The following ARHGAP15 variants were observed in gnomAD, a reference collection of about 807,000 sequenced individuals.
The protein encoded by ARHGAP15 is Rho GTPase activating protein 15, also known as rho GTPase-activating protein 15.
Under a neutral mutation model 63.7 loss-of-function variants are expected in ARHGAP15, and 51 were observed. That is an observed-to-expected ratio of 0.80 (90% CI 0.64 to 1.01). The LOEUF (loss-of-function observed/expected upper bound fraction) is 1.01, where lower values mean the gene tolerates loss of function less well. Among genes scored for constraint, ARHGAP15 ranks in the 50% least tolerant of loss-of-function variants. The pLI, the probability that ARHGAP15 is intolerant of heterozygous loss-of-function variation, is 0.00. For missense variants in ARHGAP15, 560 were observed against 564.6 expected, an observed-to-expected ratio of 0.99 and a Z score of 0.08; for synonymous variants, 191 against 193.8, an observed-to-expected ratio of 0.99 and a Z score of 0.12.
chr2:143,216,034 TA>T (rs1692744623), intron 3 of ARHGAP15, among the ~76,000 whole-genome samples: 1 of 152,224 alleles, frequency 6.6e-6, no homozygotes, highest in African/African-American at 2.4e-5. Flanking sequence ...AGAACTTTTC[TA>T]AGGATACTTG....
At chr2:143,487,337 A>G (rs1268228852) in intron 8 of ARHGAP15, 36 bp from the exon 9 acceptor site, 8 of 1,582,342 alleles carry the variant, frequency 5.1e-6, no homozygotes, top group Non-Finnish European at 6.8e-6. Context: ...TAAAGGAGAA[A>G]TTTACCAAAA....
chr2:143,611,841 A>G (rs1003439286), intron 11 of ARHGAP15, among the ~76,000 whole-genome samples: 40 of 152,104 alleles, frequency 2.6e-4, no homozygotes, highest in Admixed American at 2.6e-3. Context: ...AGCTACAAAC[A>G]ATAGTTTTCT....
intron 6 of ARHGAP15, among the ~76,000 whole-genome samples, chr2:143,399,598 TTA>T (rs777640099): frequency 7.8e-4 from 119 of 152,166 alleles, no homozygotes; most frequent in Non-Finnish European, 1.3e-3. Flanking sequence ...TTCCCACGTA[TTA>T]TCTCATTCAT....
intron 10 of ARHGAP15, among the ~76,000 whole-genome samples, chr2:143,549,261 A>T (rs1695460142): frequency 6.6e-6 from 1 of 152,178 alleles, no homozygotes. Flanking sequence ...AGCATGTCTG[A>T]TTCTCTTTCC....
chr2:143,430,769 C>G lies in ARHGAP15; in HGVS notation c.475-4832C>G, dbSNP rs1016112232. 3.3e-5 allele frequency among the ~76,000 whole-genome samples: 5 copies of G among 151,972 alleles called. 1 individual carries two copies. The highest frequency in any genetic ancestry group is 7.4e-5 in the Non-Finnish European group (5 of 67,930). On this transcript the variant is annotated intron_variant, in intron 6 of 13. Coordinates refer to ENST00000295095, the MANE Select transcript of ARHGAP15 (RefSeq NM_018460.4). Reference sequence around the variant, plus strand: ...AATTATATCATGAAGTCCAAAGTCTCTCTAAACATAATAGCAATTAAATTC... The same window carrying G: ...AATTATATCATGAAGTCCAAAGTCTGTCTAAACATAATAGCAATTAAATTC...
At chr2:143,700,873 G>A (rs773422101) in intron 12 of ARHGAP15, among the ~76,000 whole-genome samples, 4 of 152,048 alleles carry the variant, frequency 2.6e-5, no homozygotes, top group African/African-American at 7.2e-5. Flanking sequence ...TATTTCATAG[G>A]CCCCAGTTGG....
intron 10 of ARHGAP15, among the ~76,000 whole-genome samples, chr2:143,549,640 GT>G (rs1156411813): frequency 1.3e-5 from 2 of 152,194 alleles, no homozygotes; most frequent in African/African-American, 2.4e-5. Context: ...CCTACAGCAG[GT>G]GCTTGAGCCT....
chr2:143,460,016 T>G (rs1690861200), intron 8 of ARHGAP15, among the ~76,000 whole-genome samples: 1 of 152,110 alleles, frequency 6.6e-6, no homozygotes, highest in Non-Finnish European at 1.5e-5. Context: ...TCATTAAATA[T>G]CTGTTAAATA....
chr2:143,361,315 T>G (rs1439534338), intron 6 of ARHGAP15, among the ~76,000 whole-genome samples: 1 of 152,224 alleles, frequency 6.6e-6, no homozygotes, highest in South Asian at 2.1e-4. Flanking sequence ...CCAATTCTCA[T>G]GTAGTATATA....
chr2:143,346,495 A>G (rs1429999784), intron 6 of ARHGAP15, among the ~76,000 whole-genome samples: 1 of 152,130 alleles, frequency 6.6e-6, no homozygotes, highest in Non-Finnish European at 1.5e-5. Context: ...AATTGACAGT[A>G]GTGATTAAGC....
chr2:143,676,006 T>G (rs963786587), intron 12 of ARHGAP15, among the ~76,000 whole-genome samples: 2 of 152,234 alleles, frequency 1.3e-5, no homozygotes, highest in Non-Finnish European at 2.9e-5. Flanking sequence ...GTATGTTAGC[T>G]AGGTCTTCTG....
At chr2:143,423,432 C>A (rs766496230) in intron 6 of ARHGAP15, among the ~76,000 whole-genome samples, 3 of 152,086 alleles carry the variant, frequency 2.0e-5, no homozygotes, top group Non-Finnish European at 4.4e-5. Context: ...TCATTCTATA[C>A]CCCTTTATTG....
At chr2:143,228,533 T>G (rs1366853165) in intron 4 of ARHGAP15, 48 bp from the exon 5 acceptor site, 1 of 1,327,502 alleles carries the variant, frequency 7.5e-7, no homozygotes, top group Admixed American at 1.8e-5. Context: ...TATAAATGAT[T>G]TCTTCAACTG....
chr2:143,534,923 T>C (rs1390205224), intron 10 of ARHGAP15, among the ~76,000 whole-genome samples: 4 of 151,936 alleles, frequency 2.6e-5, no homozygotes, highest in African/African-American at 9.7e-5. Flanking sequence ...TATATGAATT[T>C]AGGAACCTCA....
In ARHGAP15 at chr2:143,350,485, GTTATT is replaced by G. The variant is rs1177571311; in HGVS notation, c.475-85106_475-85102del. Among the ~76,000 whole-genome samples the G allele has an allele frequency of 6.6e-5, 10 of 152,032 alleles. No homozygotes were observed. In the South Asian group the frequency reaches 8.3e-4, roughly 13 times the overall value. ...CTGCCTAGAGGATGCTAATCCATTA[GTTATT>G]TTATTTTATCATTTATTTTTCCAAT... On this transcript the variant is annotated intron_variant, in intron 6 of 13. Coordinates refer to ENST00000295095, the MANE Select transcript of ARHGAP15 (RefSeq NM_018460.4).
At chr2:143,646,239 G>A (rs149003156) in intron 12 of ARHGAP15, among the ~76,000 whole-genome samples, 4 of 152,110 alleles carry the variant, frequency 2.6e-5, no homozygotes, top group East Asian at 3.9e-4. Context: ...TGCTCATGGT[G>A]TTTCAGAATG....
intron 12 of ARHGAP15, among the ~76,000 whole-genome samples, chr2:143,673,754 G>GTATATATATATATATATATATATA (rs1166388931): frequency 1.6e-4 from 5 of 31,428 alleles, no homozygotes; most frequent in East Asian, 2.2e-3. Flanking sequence ...GTGTGTGTGT[G>GTATATATATATATATATATATATA]TGTGTATATA....
intron 9 of ARHGAP15, 150 bp downstream of exon 9, chr2:143,487,645 T>A: frequency 1.1e-6 from 1 of 946,414 alleles, no homozygotes. Flanking sequence ...AAAAGAAAAA[T>A]AATTGTCCAG....
Position 143,216,424 on chromosome 2 carries a change from C to T in ARHGAP15, c.275C>T (p.Ala92Val), listed in dbSNP as rs147452927. The change falls in exon 4 of 14, where the codon GCA becomes GTA. Residue 92 changes from alanine (A) to valine (V), a missense_variant. Transcript: ENST00000295095. ...KEGYLQKAKI[A>V]DGGKKLRKNW... ...GGTTATCTGCAAAAAGCTAAAATTG[C>T]AGATGGAGGAAAGAAACTAAGGTAA... 12 of 1,609,522 alleles carry T rather than the reference C, an allele frequency of 7.5e-6. No homozygotes were observed. The highest frequency in any genetic ancestry group is 3.4e-5 in the Admixed American group (2 of 59,274).
Sources: gnomAD v4.1 joint callset for allele counts (sites outside exome capture counted in the v4.1 genomes callset) on GRCh38, gnomAD v4.1.1 for gene constraint, MANE v1.5 for transcripts, NCBI Gene and HGNC (gene_info 2026-07-23, HGNC 2026-07-21) for gene names.